Variants in ZDHHC2 observed in about 807,000 individuals in gnomAD.
ZDHHC2 encodes palmitoyltransferase ZDHHC2.
A neutral mutation model predicts 55.6 loss-of-function variants in ZDHHC2; 51 were observed. The ratio of observed to expected loss-of-function variants is 0.92; its 90% CI spans 0.73 to 1.16. ZDHHC2 has a LOEUF of 1.16. ZDHHC2 is among the 50% of genes most tolerant of loss of function. The probability of loss-of-function intolerance (pLI) is 0.00; values close to 1 mark genes in which losing one functional copy is unlikely to be tolerated. For missense variants in ZDHHC2, 491 were observed against 442.4 expected (o/e 1.11, Z -0.99); for synonymous variants, 199 against 152.9 (o/e 1.30, Z -2.22).
chr8:17,217,276 A>G (rs1030938837), intron 12 of ZDHHC2, 30 bp downstream of exon 12: 39 of 1,478,726 alleles, frequency 2.6e-5, no homozygotes, highest in African/African-American at 2.6e-4. Context: ...ATTGTTTTAT[A>G]TTTTTAACAG....
chr8:17,179,203 T>G (rs908222266), intron 1 of ZDHHC2, among the ~76,000 whole-genome samples: 1 of 152,146 alleles, frequency 6.6e-6, no homozygotes, highest in African/African-American at 2.4e-5. Flanking sequence ...TGCTCTCACC[T>G]TGGCCTCCCA....
At chr8:17,217,502 T>G (rs552961558) in intron 12 of ZDHHC2, among the ~76,000 whole-genome samples, 2 of 152,248 alleles carry the variant, frequency 1.3e-5, no homozygotes, top group African/African-American at 4.8e-5. Flanking sequence ...ATTAATGCAT[T>G]AAGTGGTAGG....
chr8:17,177,101 C>G (rs1000870177), intron 1 of ZDHHC2, among the ~76,000 whole-genome samples: 8 of 152,230 alleles, frequency 5.3e-5, no homozygotes, highest in African/African-American at 4.8e-5. Flanking sequence ...CAAGGGGTTC[C>G]CCTGGCCAAT....
intron 6 of ZDHHC2, among the ~76,000 whole-genome samples, chr8:17,204,062 A>T (rs971884996): frequency 8.6e-5 from 13 of 151,692 alleles, no homozygotes; most frequent in African/African-American, 2.9e-4. Context: ...TGCCTCGGCC[A>T]CCCAAAGTGC....
At chr8:17,186,085 T>C (rs1313933532) in intron 2 of ZDHHC2, among the ~76,000 whole-genome samples, 1 of 152,224 alleles carries the variant, frequency 6.6e-6, no homozygotes, top group Non-Finnish European at 1.5e-5. Flanking sequence ...ATGGTCTGTC[T>C]ACAGATGGGA....
chr8:17,197,375 C>T (rs1445599018), intron 4 of ZDHHC2, among the ~76,000 whole-genome samples: 3 of 152,184 alleles, frequency 2.0e-5, no homozygotes, highest in Non-Finnish European at 2.9e-5. Flanking sequence ...AGGAGGTTCT[C>T]TCTTCTGGTT....
intron 7 of ZDHHC2, among the ~76,000 whole-genome samples, chr8:17,207,486 G>T (rs2150941331): frequency 6.6e-6 from 1 of 152,270 alleles, no homozygotes; most frequent in Non-Finnish European, 1.5e-5. Context: ...TTTAGTTGAT[G>T]CTGTTGTTTG....
intron 12 of ZDHHC2, among the ~76,000 whole-genome samples, chr8:17,219,825 A>T (rs189240157): frequency 3.3e-5 from 5 of 152,262 alleles, no homozygotes; most frequent in African/African-American, 1.2e-4. Context: ...TATGCACATG[A>T]AGTTTCAAAA....
chr8:17,210,275 A>G lies in ZDHHC2; in HGVS notation c.858-113A>G. 6.9e-6 allele frequency: 8 copies of G among 1,158,190 alleles called. No individual in the cohort carries two copies. The South Asian group carries it at 1.1e-4, about 17-fold the overall frequency. The allele number at this position is 1,158,190 out of a possible 1,614,324, so 71.7% of individuals were successfully genotyped here. A position where few individuals can be genotyped will look rare whatever the true frequency, so the allele number is the denominator to read the frequency against. ...ATGTTGAGCTCAATGTCTAATACAC[A>G]TTTTTTTTGCCTAGAGTATAGCATG... is the stretch of plus-strand genomic sequence containing the variant. On this transcript the variant is annotated intron_variant, in intron 9 of 12. Coordinates refer to ENST00000262096, the MANE Select transcript of ZDHHC2 (RefSeq NM_016353.5).
At chr8:17,211,777 C>G (rs1459499067) in intron 10 of ZDHHC2, among the ~76,000 whole-genome samples, 1 of 152,106 alleles carries the variant, frequency 6.6e-6, no homozygotes, top group Non-Finnish European at 1.5e-5. Flanking sequence ...CAGGGACATT[C>G]ATGGGCATCA....
chr8:17,187,484 C>T (rs1216041682), intron 3 of ZDHHC2, among the ~76,000 whole-genome samples: 1 of 151,804 alleles, frequency 6.6e-6, no homozygotes, highest in Non-Finnish European at 1.5e-5. Flanking sequence ...GTCAAAAAAG[C>T]CAATAAATAT....
rs1805627164 is a variant in ZDHHC2 at position 17,184,786 on chromosome 8, C to T, written c.131-3C>T. 3 of 1,549,536 alleles carry T rather than the reference C, an allele frequency of 1.9e-6. No homozygotes were observed. The highest frequency in any genetic ancestry group is 1.7e-6 in the Non-Finnish European group (2 of 1,146,088). On this transcript the variant is annotated splice_polypyrimidine_tract_variant and splice_region_variant and intron_variant, in intron 1 of 12. Transcript: ENST00000262096. ...AACCTATTACCTTTTTTTCTCTTTACAGTGTCCATGGAAAACACTGGCGAA... is the reference window on the plus strand; with the variant it reads ...AACCTATTACCTTTTTTTCTCTTTATAGTGTCCATGGAAAACACTGGCGAA...
chr8:17,169,360 A>T (rs147857230), intron 1 of ZDHHC2, among the ~76,000 whole-genome samples: 2 of 150,958 alleles, frequency 1.3e-5, no homozygotes, highest in East Asian at 2.0e-4. Context: ...TGTGTTCCTT[A>T]TGAGAGTGCT....
rs1383421534 is a variant in ZDHHC2 at position 17,156,945 on chromosome 8, C to G, written c.130+92C>G. The G allele has an allele frequency of 9.7e-6, 12 of 1,238,170 alleles. No individual in the cohort carries two copies. In the Admixed American group the frequency reaches 1.2e-4, roughly 12 times the overall value. 76.7% of individuals were successfully genotyped at this position (1,238,170 alleles called of 1,614,324 possible). On this transcript the variant is annotated intron_variant, in intron 1 of 12. Coordinates refer to ENST00000262096, the MANE Select transcript of ZDHHC2 (RefSeq NM_016353.5). ...CAGCCGCTCCTCCGCTCTCGCCCCC[C>G]GGATGCGCCCCGGGCGCTGCCAACC...
intron 6 of ZDHHC2, among the ~76,000 whole-genome samples, 184 bp from the exon 7 acceptor site, chr8:17,205,471 T>C (rs1585727307): frequency 6.6e-6 from 1 of 152,210 alleles, no homozygotes; most frequent in African/African-American, 2.4e-5. Flanking sequence ...GTTTTAAAAA[T>C]AGAAGCAGAT....
intron 1 of ZDHHC2, among the ~76,000 whole-genome samples, chr8:17,183,384 A>G (rs951407819): frequency 6.6e-6 from 1 of 152,230 alleles, no homozygotes; most frequent in African/African-American, 2.4e-5. Flanking sequence ...GCTTGCCTCA[A>G]GCCTCTCCTG....
intron 1 of ZDHHC2, among the ~76,000 whole-genome samples, chr8:17,174,464 A>G (rs564220468): frequency 2.0e-5 from 3 of 152,246 alleles, no homozygotes; most frequent in East Asian, 3.9e-4. Context: ...CCTCGAGTCT[A>G]CTGTGCTGGA....
chr8:17,180,156 G>T (rs531744781), intron 1 of ZDHHC2, among the ~76,000 whole-genome samples: 4 of 152,172 alleles, frequency 2.6e-5, no homozygotes, highest in Admixed American at 2.0e-4. Flanking sequence ...TAAGATTTAG[G>T]TCTTTATTTT....
At chr8:17,197,754 G>A (rs972535862) in intron 5 of ZDHHC2, 103 bp downstream of exon 5, 9 of 1,255,714 alleles carry the variant, frequency 7.2e-6, no homozygotes, top group East Asian at 4.8e-5. Flanking sequence ...CCATATTCTC[G>A]CTTCTCAGCC....
Sources: gnomAD v4.1 joint callset for allele counts (sites outside exome capture counted in the v4.1 genomes callset) on GRCh38, gnomAD v4.1.1 for gene constraint, MANE v1.5 for transcripts, NCBI Gene and HGNC (gene_info 2026-07-23, HGNC 2026-07-21) for gene names.